RUBCN: variants seen among roughly 807,000 people sequenced by gnomAD.
RUBCN encodes the protein run domain Beclin-1-interacting and cysteine-rich domain-containing protein.
Under a neutral mutation model 113.2 loss-of-function variants are expected in RUBCN, and 74 were observed. The observed-to-expected ratio is 0.65, with a 90% confidence interval of 0.54 to 0.79. The LOEUF (loss-of-function observed/expected upper bound fraction) is 0.79. Among genes scored for constraint, RUBCN ranks in the 30% least tolerant of loss-of-function variants. The pLI, the probability that RUBCN is intolerant of heterozygous loss-of-function variation, is 0.00. For synonymous variants in RUBCN, 480 were observed against 490.0 expected, an observed-to-expected ratio of 0.98 and a Z score of 0.27; for missense variants, 1,109 against 1,251.7, an observed-to-expected ratio of 0.89 and a Z score of 1.72.
At chr3:197,714,896 T>C (rs2108949320) in intron 2 of RUBCN, among the ~76,000 whole-genome samples, 1 of 152,172 alleles carries the variant, frequency 6.6e-6, no homozygotes, top group Non-Finnish European at 1.5e-5. Context: ...ACACTGCAAA[T>C]GGAGTAACTG....
At chr3:197,713,267 A>T (rs914283315) in intron 2 of RUBCN, among the ~76,000 whole-genome samples, 1 of 152,214 alleles carries the variant, frequency 6.6e-6, no homozygotes, top group African/African-American at 2.4e-5. Flanking sequence ...TTTCTCTTTC[A>T]GGCACAGATA....
At chr3:197,716,446 A>G (rs1479721570) in intron 2 of RUBCN, among the ~76,000 whole-genome samples, 1 of 152,164 alleles carries the variant, frequency 6.6e-6, no homozygotes, top group Non-Finnish European at 1.5e-5. Flanking sequence ...CTGTAGAAAC[A>G]TTTCATGCAT....
At chr3:197,747,997 T>C (rs1015138722) in intron 1 of RUBCN, 25 of 152,054 alleles carry the variant, frequency 1.6e-4, no homozygotes, top group African/African-American at 6.0e-4. Flanking sequence ...AATGGCACGA[T>C]CTCAGCTCAC....
At chr3:197,677,130 A>G in intron 17 of RUBCN, 92 bp from the exon 18 acceptor site, 8 of 1,380,352 alleles carry the variant, frequency 5.8e-6, no homozygotes, top group Non-Finnish European at 8.2e-6. Flanking sequence ...TGCAGAAAGT[A>G]ATGAGGGTGG....
In RUBCN at chr3:197,675,386, C is replaced by G. The variant is rs1720259829; in HGVS notation, c.2740+36G>C. On this transcript the variant is annotated intron_variant, in intron 19 of 19. Transcript: ENST00000296343. The surrounding 1 kb of genome is among the most constrained non-coding windows in gnomAD (Gnocchi z 4.4). ...CTGGGGAATCAAGGAGCCCTGTGTT[C>G]AGGCTCACTTGCCCGATGCCTGCAC... 6.3e-7 allele frequency: 1 copy of G among 1,580,216 alleles called. No individual in the cohort carries two copies. Among genetic ancestry groups the G allele is most frequent in the Admixed American group, 1.7e-5 (1 of 59,942 alleles).
In RUBCN at chr3:197,683,726, T is replaced by G. The variant is rs1464427156; in HGVS notation, c.1848-287A>C. 1.3e-5 allele frequency among the ~76,000 whole-genome samples: 2 copies of G among 152,174 alleles called. No individual in the cohort carries two copies. Among genetic ancestry groups the G allele is most frequent in the Non-Finnish European group, 2.9e-5 (2 of 68,034 alleles). ...AGCTCCTCTAACAGCAAAATGGAGA[T>G]TATAATGCCTGCTTACAAAACAAAG... On this transcript the variant is annotated intron_variant, in intron 12 of 19. Transcript: ENST00000296343. This position sits in a 1 kb window ranked among gnomAD's most constrained non-coding sequence, Gnocchi z 4.6.
At chr3:197,719,531 T>C (rs923358003) in intron 1 of RUBCN, among the ~76,000 whole-genome samples, 3 of 148,862 alleles carry the variant, frequency 2.0e-5, no homozygotes, top group Non-Finnish European at 4.5e-5. Context: ...AAACATTAAG[T>C]ACTCTATCAT....
chr3:197,730,121 G>T (rs529529861), intron 1 of RUBCN, among the ~76,000 whole-genome samples: 8 of 152,188 alleles, frequency 5.3e-5, no homozygotes, highest in Admixed American at 2.0e-4. Context: ...GATTATATGG[G>T]TCTACAGTGA....
In RUBCN at chr3:197,674,874, A is replaced by C; in HGVS notation, c.*144T>G. 1.4e-6 allele frequency: 1 copy of C among 689,772 alleles called. No homozygotes were observed. The highest frequency in any genetic ancestry group is 2.3e-6 in the Non-Finnish European group (1 of 439,018). 42.7% of individuals were successfully genotyped at this position (689,772 alleles called of 1,614,324 possible). ...GCTGACTGCACACAGACGTCAGACA[A>C]GTCAGTAAAAAAAAAAAAAAAGATG... On this transcript the variant is annotated 3_prime_UTR_variant, in exon 20 of 20. Coordinates refer to ENST00000296343, the MANE Select transcript of RUBCN (RefSeq NM_014687.4).
At chr3:197,710,857 C>T (rs1385146991) in intron 2 of RUBCN, among the ~76,000 whole-genome samples, 6 of 151,434 alleles carry the variant, frequency 4.0e-5, no homozygotes, top group Admixed American at 2.6e-4. Flanking sequence ...CTTGCTCTGT[C>T]GCCCAGGCTG....
intron 1 of RUBCN, among the ~76,000 whole-genome samples, chr3:197,732,882 C>A (rs990700062): frequency 2.6e-5 from 4 of 152,084 alleles, no homozygotes; most frequent in African/African-American, 7.2e-5. Context: ...TGGGGGAGAC[C>A]CTCGCCTTAT....
chr3:197,727,488 T>TTAAAAAGAAAATTCTGCC (rs1726894138), intron 1 of RUBCN, among the ~76,000 whole-genome samples: 1 of 152,208 alleles, frequency 6.6e-6, no homozygotes, highest in Non-Finnish European at 1.5e-5. Context: ...CCCATTCTGC[T>TTAAAAAGAAAATTCTGCC]TAAAAAGAAA....
At chr3:197,743,863 A>C (rs554832076) in intron 1 of RUBCN, among the ~76,000 whole-genome samples, 225 of 152,196 alleles carry the variant, frequency 1.5e-3, no homozygotes, top group Non-Finnish European at 2.3e-3. Context: ...GAGCGCCTGT[A>C]ATCCCAGCTA....
chr3:197,712,404 C>A (rs1725054904), intron 2 of RUBCN, among the ~76,000 whole-genome samples: 1 of 152,172 alleles, frequency 6.6e-6, no homozygotes. Flanking sequence ...GGGACATGAG[C>A]AGCATGAATC....
intron 11 of RUBCN, among the ~76,000 whole-genome samples, chr3:197,685,722 A>C (rs1405206438): frequency 6.6e-6 from 1 of 152,236 alleles, no homozygotes; most frequent in Non-Finnish European, 1.5e-5. Flanking sequence ...TTCACAACAA[A>C]GATGTTCAAG....
chr3:197,679,260 C>T (rs1385398480), intron 16 of RUBCN, among the ~76,000 whole-genome samples: 1 of 150,610 alleles, frequency 6.6e-6, no homozygotes, highest in East Asian at 2.0e-4. Context: ...TACGCTCTGA[C>T]AACTGGCTCC....
chr3:197,743,785 A>G (rs573732530), intron 1 of RUBCN, among the ~76,000 whole-genome samples: 25 of 152,324 alleles, frequency 1.6e-4, no homozygotes, highest in Middle Eastern at 6.8e-3. Context: ...GGAGTTCAAG[A>G]CCAGCCTGAC....
chr3:197,682,511 C>T lies in RUBCN; in HGVS notation c.2085G>A (p.Pro695=), dbSNP rs1244737909. Residue 695 remains proline, a synonymous_variant, in exon 14 of 20, where the codon CCG becomes CCA. Coordinates refer to ENST00000296343, the MANE Select transcript of RUBCN (RefSeq NM_014687.4). ...CATTAAAAATTATCTGAGGCCGGGG[C>T]GGGGCCCACTCCAAGTTGCCACGAA... ...IRVRGNLEWA[P]PRPQIIFNVH... is the part of the protein sequence containing the mutation. 9.3e-6 allele frequency: 15 copies of T among 1,614,080 alleles called. No individual in the cohort carries two copies. The highest frequency in any genetic ancestry group is 2.7e-5 in the African/African-American group (2 of 75,006).
intron 11 of RUBCN, among the ~76,000 whole-genome samples, 182 bp from the exon 12 acceptor site, chr3:197,684,399 A>G (rs1039106681): frequency 2.0e-5 from 3 of 152,194 alleles, no homozygotes; most frequent in Non-Finnish European, 4.4e-5. Context: ...TATCCAAATC[A>G]AAACCAGGCT....
Sources: allele counts gnomAD v4.1 joint callset (sites outside exome capture counted in the v4.1 genomes callset), GRCh38; gene constraint gnomAD v4.1.1; non-coding constraint Gnocchi (gnomAD v3.1); transcripts MANE v1.5; gene names NCBI Gene and HGNC (gene_info 2026-07-23, HGNC 2026-07-21).